The following ERAP2 variants were observed in gnomAD, a reference collection of about 807,000 sequenced individuals.
ERAP2 encodes the protein endoplasmic reticulum aminopeptidase 2, also known as leukocyte-derived arginine aminopeptidase.
Under a neutral mutation model 111.1 loss-of-function variants are expected in ERAP2, and 118 were observed. The ratio of observed to expected loss-of-function variants is 1.06; its 90% CI spans 0.92 to 1.24. The LOEUF is 1.24. Ranked by LOEUF, ERAP2 falls within the 50% of genes most tolerant of loss-of-function variation. The pLI is 0.00. For synonymous variants in ERAP2, 410 were observed against 401.2 expected (o/e 1.02, Z -0.26); for missense variants, 1,131 against 1,125.8 (o/e 1.00, Z -0.07).
In ERAP2 at chr5:96,883,942, T is replaced by A; in HGVS notation, c.714+12T>A. Reference sequence around the variant, plus strand: ...CCAACATGCCAAAGGTATGTCCACTTCCAGAAACTTTTAGAAATTGTTCTC... The same window carrying A: ...CCAACATGCCAAAGGTATGTCCACTACCAGAAACTTTTAGAAATTGTTCTC... On this transcript the variant is annotated intron_variant, in intron 3 of 18. Transcript: ENST00000437043. The A allele has an allele frequency of 6.4e-7, 1 of 1,556,664 alleles. No individual in the cohort carries two copies. Among genetic ancestry groups the A allele is most frequent in the Non-Finnish European group, 8.7e-7 (1 of 1,154,830 alleles).
intron 13 of ERAP2, among the ~76,000 whole-genome samples, chr5:96,907,162 G>A (rs33934033): frequency 0.54 from 82,266 of 151,830 alleles, 22,331 homozygotes; most frequent in Admixed American, 0.59. Context: ...GTTGAGCTAA[G>A]GTTTATGTTT....
At position 96,883,921 on chromosome 5, in the gene ERAP2, C is replaced by T; in HGVS notation, c.705C>T (p.Asn235=). 1.2e-6 allele frequency: 2 copies of T among 1,605,164 alleles called. No homozygotes were observed. The highest frequency in any genetic ancestry group is 1.7e-6 in the Non-Finnish European group (2 of 1,176,734). Residue 235 remains asparagine, a synonymous_variant, in exon 3 of 19, where the codon AAC becomes AAT. Transcript: ENST00000437043. ...AGAGCAGGCATATTGCACTATCCAA[C>T]ATGCCAAAGGTATGTCCACTTCCAG... ...RRESRHIALS[N]MPKVKTIELE...
intron 3 of ERAP2, 144 bp downstream of exon 3, chr5:96,884,074 CT>C (rs1357021023): frequency 1.4e-5 from 8 of 572,060 alleles, no homozygotes; most frequent in East Asian, 1.3e-4. Flanking sequence ...ATCTATCTAT[CT>C]ATCTATCATC....
chr5:96,906,515 G>A (rs1458984428), intron 13 of ERAP2, among the ~76,000 whole-genome samples: 1 of 152,160 alleles, frequency 6.6e-6, no homozygotes, highest in Non-Finnish European at 1.5e-5. Context: ...CAATCCTCCT[G>A]CCTCGGCTTC....
chr5:96,878,165 A>G (rs1302729183), intron 1 of ERAP2, among the ~76,000 whole-genome samples: 1 of 152,230 alleles, frequency 6.6e-6, no homozygotes, highest in Non-Finnish European at 1.5e-5. Context: ...TTACAAAGGT[A>G]GTAAATTCAG....
chr5:96,883,150 T>TC (rs1460725531), intron 2 of ERAP2, among the ~76,000 whole-genome samples: 2 of 152,130 alleles, frequency 1.3e-5, no homozygotes, highest in African/African-American at 4.8e-5. Context: ...AAAGTCCAGC[T>TC]CCTTGCCTCC....
At chr5:96,892,232 C>A (rs1784459017) in intron 5 of ERAP2, 67 bp from the exon 6 acceptor site, 1 of 1,524,764 alleles carries the variant, frequency 6.6e-7, no homozygotes, top group African/African-American at 1.4e-5. Flanking sequence ...TGTATTTGAG[C>A]AGAGAGCAAA....
chr5:96,902,236 T>C, intron 11 of ERAP2, 38 bp from the exon 12 acceptor site: 2 of 1,379,150 alleles, frequency 1.5e-6, no homozygotes, highest in Non-Finnish European at 2.1e-6. Flanking sequence ...CACAGCAGCA[T>C]TCTTTTGGTC....
chr5:96,907,946 C>T (rs181362306), intron 13 of ERAP2, among the ~76,000 whole-genome samples: 246 of 152,058 alleles, frequency 1.6e-3, no homozygotes, highest in African/African-American at 3.5e-3. Context: ...TCCAGCCTTC[C>T]GTCTTCAGGT....
At chr5:96,885,006 T>C (rs1274345614) in intron 3 of ERAP2, among the ~76,000 whole-genome samples, 1 of 152,162 alleles carries the variant, frequency 6.6e-6, no homozygotes, top group East Asian at 1.9e-4. Flanking sequence ...TAATACCCCA[T>C]ACACGTCTAT....
At chr5:96,908,387 T>A (rs1786341694) in intron 13 of ERAP2, among the ~76,000 whole-genome samples, 1 of 152,224 alleles carries the variant, frequency 6.6e-6, no homozygotes, top group Admixed American at 6.5e-5. Context: ...GAAGAAAACG[T>A]AGAGAAGGCA....
chr5:96,899,994 C>A, intron 9 of ERAP2, 127 bp from the exon 10 acceptor site: 1 of 1,132,372 alleles, frequency 8.8e-7, no homozygotes, highest in Non-Finnish European at 1.3e-6. Context: ...TTTTTATGTT[C>A]ATTATCATGT....
intron 4 of ERAP2, among the ~76,000 whole-genome samples, chr5:96,888,749 G>A (rs1784020119): frequency 1.3e-5 from 2 of 152,192 alleles, no homozygotes; most frequent in African/African-American, 4.8e-5. Flanking sequence ...TTGACAGAGG[G>A]CGGATCCAAT....
chr5:96,892,401 C>G lies in ERAP2; in HGVS notation c.1073C>G (p.Ala358Gly). Residue 358 changes from alanine to glycine, a missense_variant, in exon 6 of 19, where the codon GCT becomes GGT. Transcript: ENST00000437043. ...SLLFDPKTSS[A>G]SDKLWVTRVI... ...CTTTTTGACCCCAAGACCTCTTCTG[C>G]TTCCGATAAACTGTGGGTCACCAGA... 1 of 1,614,064 alleles carries G rather than the reference C, an allele frequency of 6.2e-7. No individual in the cohort carries two copies. The highest frequency in any genetic ancestry group is 1.1e-5 in the South Asian group (1 of 91,082).
chr5:96,879,372 GGA>G (rs1782906394), intron 1 of ERAP2, among the ~76,000 whole-genome samples, 190 bp from the exon 2 acceptor site: 1 of 152,128 alleles, frequency 6.6e-6, no homozygotes. Context: ...GTTTTTTGGG[GGA>G]GTCCTAAAGG....
At chr5:96,902,200 TGTCTGA>T (rs1785545606) in intron 11 of ERAP2, 68 bp from the exon 12 acceptor site, 1 of 1,024,752 alleles carries the variant, frequency 9.8e-7, no homozygotes, top group Non-Finnish European at 1.5e-6. Context: ...TTTTACAGTC[TGTCTGA>T]GTCTGACAAT....
intron 3 of ERAP2, among the ~76,000 whole-genome samples, chr5:96,886,421 TG>T (rs1352606720): frequency 6.6e-6 from 1 of 152,260 alleles, no homozygotes; most frequent in Non-Finnish European, 1.5e-5. Flanking sequence ...TTGGCATTTT[TG>T]TGCTTTGGGG....
intron 5 of ERAP2, among the ~76,000 whole-genome samples, chr5:96,889,893 T>C (rs113371606): frequency 0.018 from 2,765 of 152,146 alleles, 103 homozygotes; most frequent in African/African-American, 0.063. Flanking sequence ...GAGGGATTTC[T>C]GGAGGAATCA....
intron 13 of ERAP2, among the ~76,000 whole-genome samples, chr5:96,906,795 GC>G (rs1403180020): frequency 6.6e-6 from 1 of 152,200 alleles, no homozygotes; most frequent in Non-Finnish European, 1.5e-5. Context: ...ACTTCGTGAG[GC>G]CAAGGCGGGT....
Sources: gnomAD v4.1 joint callset for allele counts (sites outside exome capture counted in the v4.1 genomes callset) on GRCh38, gnomAD v4.1.1 for gene constraint, MANE v1.5 for transcripts, NCBI Gene and HGNC (gene_info 2026-07-23, HGNC 2026-07-21) for gene names.